The following MUC22 variants were observed in gnomAD, a reference collection of about 807,000 sequenced individuals.
The protein encoded by MUC22 is mucin 22, also known as mucin-22.
MUC22 carries 24 observed loss-of-function variants against 40.3 expected under a neutral mutation model. The ratio of observed to expected loss-of-function variants is 0.60; its 90% CI spans 0.43 to 0.84. The LOEUF (loss-of-function observed/expected upper bound fraction) is 0.84, where lower values mean the gene tolerates loss of function less well. Among genes scored for constraint, MUC22 ranks in the 40% least tolerant of loss-of-function variants. MUC22 has a pLI of 0.00. For synonymous variants in MUC22, 765 were observed against 844.5 expected, an observed-to-expected ratio of 0.91 and a Z score of 1.63; for missense variants, 1,926 against 2,130.7, an observed-to-expected ratio of 0.90 and a Z score of 1.89.
Position 31,015,841 on chromosome 6 carries a change from C to A in MUC22, c.70+5065C>A, listed in dbSNP as rs574715036. Among the ~76,000 whole-genome samples the A allele has an allele frequency of 1.2e-4, 18 of 151,776 alleles. No homozygotes were observed. In the East Asian group the frequency reaches 3.5e-3, roughly 30 times the overall value. On this transcript the variant is annotated intron_variant, in intron 1 of 3. Coordinates refer to ENST00000561890, the Ensembl canonical transcript of MUC22. ...TTGCACAGTAGAAAGTTGTATCAGT[C>A]AGTTCTGGGAAATTTTATTGCATTT...
At chr6:31,012,790 TCTCACCCTCCTGCC>T (rs1763943425) in intron 1 of MUC22, among the ~76,000 whole-genome samples, 1 of 120,282 alleles carries the variant, frequency 8.3e-6, no homozygotes, top group Non-Finnish European at 1.9e-5. Context: ...CTGGGCGCCG[TCTCACCCTCCTGCC>T]GTCTCAGGGG....
intron 1 of MUC22, among the ~76,000 whole-genome samples, chr6:31,021,004 C>T (rs933221794): frequency 1.1e-4 from 16 of 149,722 alleles, no homozygotes; most frequent in East Asian, 1.9e-4. Context: ...GAGCCTCCCA[C>T]CCCCTCCATG....
upstream of MUC22, among the ~76,000 whole-genome samples, chr6:31,006,429 G>T (rs146449813): frequency 2.0e-3 from 300 of 152,300 alleles, 6 homozygotes; most frequent in Middle Eastern, 0.014. Context: ...CGAGGGTGGG[G>T]TGATGAATAG....
chr6:31,010,698 C>A (rs1247270264), exon 1 of MUC22: 2 of 702,432 alleles, frequency 2.8e-6, no homozygotes, highest in Non-Finnish European at 5.2e-6. Context: ...CTATGTGCAT[C>A]ATTTAGAGAT....
chr6:31,019,767 T>A (rs1764535113), intron 1 of MUC22, among the ~76,000 whole-genome samples: 1 of 152,114 alleles, frequency 6.6e-6, no homozygotes, highest in Non-Finnish European at 1.5e-5. Context: ...GGCAGGAGAA[T>A]CCCTTGAACC....
chr6:31,013,095 C>T (rs12207166), intron 1 of MUC22, among the ~76,000 whole-genome samples: 17,294 of 147,122 alleles, frequency 0.12, 1,217 homozygotes, highest in African/African-American at 0.16. Flanking sequence ...CCTCAGCCAC[C>T]ACCTCTCCCT....
chr6:31,021,973 C>T (rs12529884), intron 1 of MUC22, among the ~76,000 whole-genome samples: 7,884 of 152,190 alleles, frequency 0.052, 246 homozygotes, highest in South Asian at 0.12. Flanking sequence ...CAGCTTCACT[C>T]CTGAAGCCAG....
chr6:31,034,590 C>T, intron 3 of MUC22, 82 bp from the exon 4 acceptor site: 1 of 1,195,418 alleles, frequency 8.4e-7, no homozygotes, highest in Non-Finnish European at 1.1e-6. Flanking sequence ...GAAAATCTGA[C>T]ATTGGTGAAA....
intron 2 of MUC22, among the ~76,000 whole-genome samples, chr6:31,031,756 C>G (rs961955098): frequency 6.6e-6 from 1 of 152,046 alleles, no homozygotes; most frequent in Admixed American, 6.6e-5. Flanking sequence ...TCAGTGAGAA[C>G]ATACGATGTT....
chr6:31,025,541 C>A (rs971125883), exon 2 of MUC22: 13 of 1,522,096 alleles, frequency 8.5e-6, no homozygotes, highest in Non-Finnish European at 1.1e-5. Context: ...GGCTCCGACA[C>A]CACCACAGCC....
exon 2 of MUC22, chr6:31,029,796 C>T (rs1320288959): frequency 6.8e-7 from 1 of 1,475,802 alleles, no homozygotes; most frequent in East Asian, 2.5e-5. Context: ...GCTCTGAGAC[C>T]ACCACAGCCT....
In MUC22 at chr6:31,011,046, G is replaced by A. The variant is rs1450081530; in HGVS notation, c.70+270G>A. On this transcript the variant is annotated intron_variant, in intron 1 of 3. Transcript: ENST00000561890. This position sits in a 1 kb window ranked among gnomAD's most constrained non-coding sequence, Gnocchi z 4.5. ...GTGGTGGGGCGGTGGGGCGGTGCTG[G>A]GGAAATGGAGGGGGGTGAGATTTTA... Among the ~76,000 whole-genome samples the A allele has an allele frequency of 1.3e-5, 2 of 152,032 alleles. No homozygotes were observed. The highest frequency in any genetic ancestry group is 2.9e-5 in the Non-Finnish European group (2 of 68,006).
intron 3 of MUC22, among the ~76,000 whole-genome samples, chr6:31,033,667 T>A (rs1180135712): frequency 6.6e-6 from 1 of 152,232 alleles, no homozygotes; most frequent in African/African-American, 2.4e-5. Flanking sequence ...ATTGTGCAGT[T>A]CTTCCCAATT....
intron 1 of MUC22, among the ~76,000 whole-genome samples, chr6:31,015,230 G>A (rs1764110473): frequency 6.6e-6 from 1 of 152,158 alleles, no homozygotes; most frequent in Non-Finnish European, 1.5e-5. Flanking sequence ...TCATGCTCCT[G>A]GCTGGACCCT....
At chr6:31,012,851 A>G (rs1251491622) in intron 1 of MUC22, among the ~76,000 whole-genome samples, 4 of 151,658 alleles carry the variant, frequency 2.6e-5, no homozygotes, top group Non-Finnish European at 5.9e-5. Flanking sequence ...CTCCCATCTC[A>G]CTTTACCTTT....
Position 31,032,865 on chromosome 6 carries a change from C to A in MUC22, c.5055+284C>A, listed in dbSNP as rs1246978932. 2.0e-5 allele frequency among the ~76,000 whole-genome samples: 3 copies of A among 152,040 alleles called. No individual in the cohort carries two copies. The highest frequency in any genetic ancestry group is 2.9e-5 in the Non-Finnish European group (2 of 67,990). ...TGAGAGAGAACAAGGAGGACATAAA[C>A]ATAAAGAAAGCAAGAAGCAGCTGGG... On this transcript the variant is annotated intron_variant, in intron 3 of 3. Transcript: ENST00000561890. This position sits in a 1 kb window ranked among gnomAD's most constrained non-coding sequence, Gnocchi z 4.1.
At chr6:31,018,645 T>G (rs1764444199) in intron 1 of MUC22, among the ~76,000 whole-genome samples, 1 of 152,280 alleles carries the variant, frequency 6.6e-6, no homozygotes, top group Non-Finnish European at 1.5e-5. Context: ...ACTTATTCTT[T>G]TATTCATTCC....
intron 1 of MUC22, among the ~76,000 whole-genome samples, chr6:31,015,839 G>C (rs1764157319): frequency 6.6e-6 from 1 of 151,842 alleles, no homozygotes; most frequent in African/African-American, 2.4e-5. Flanking sequence ...AGTTGTATCA[G>C]TCAGTTCTGG....
At chr6:31,026,685 A>G (rs1023538728) in exon 2 of MUC22, 4 of 1,506,046 alleles carry the variant, frequency 2.7e-6, no homozygotes, top group Non-Finnish European at 3.5e-6. Flanking sequence ...AGACCACTGC[A>G]GCCTCTACCA....
Sources: allele counts gnomAD v4.1 joint callset (sites outside exome capture counted in the v4.1 genomes callset), GRCh38; gene constraint gnomAD v4.1.1; non-coding constraint Gnocchi (gnomAD v3.1); transcripts MANE v1.5; gene names NCBI Gene and HGNC (gene_info 2026-07-23, HGNC 2026-07-21).